Variants in ILDR2 observed in about 807,000 individuals in gnomAD.
The protein encoded by ILDR2 is immunoglobulin-like domain-containing receptor 2.
A neutral mutation model predicts 66.8 loss-of-function variants in ILDR2; 25 were observed. The observed-to-expected ratio is 0.37, with a 90% CI of 0.27 to 0.52. The LOEUF is 0.52. Ranked by LOEUF, ILDR2 falls within the 20% of genes least tolerant of loss-of-function variation. The probability of loss-of-function intolerance (pLI) is 0.88; values close to 1 mark genes in which losing one functional copy is unlikely to be tolerated. For synonymous variants in ILDR2, 367 were observed against 357.2 expected (o/e 1.03, Z -0.31); for missense variants, 827 against 876.8 (o/e 0.94, Z 0.72).
chr1:166,920,592 G>T (rs573713166), intron 9 of ILDR2, 115 bp downstream of exon 9: 4 of 1,214,228 alleles, frequency 3.3e-6, no homozygotes, highest in Non-Finnish European at 4.2e-6. Context: ...CGGCCTCTCC[G>T]GCAAGGACCC....
Position 166,912,626 on chromosome 1 carries a change from C to A in ILDR2, c.*6729G>T, listed in dbSNP as rs1230657387. On this transcript the variant is annotated 3_prime_UTR_variant, in exon 10 of 10. Transcript: ENST00000271417. Reference sequence around the variant, plus strand: ...TAAAAAAAATTGAGCCCAGATGCTTCAAGCAAAAACAGATTTTCTGCTTGA... The same window carrying A: ...TAAAAAAAATTGAGCCCAGATGCTTAAAGCAAAAACAGATTTTCTGCTTGA... 6.6e-6 allele frequency: 1 copy of A among 152,300 alleles called. No homozygotes were observed. The highest frequency in any genetic ancestry group is 1.9e-4 in the East Asian group (1 of 5,176). 9.4% of individuals were successfully genotyped at this position (152,300 alleles called of 1,614,324 possible). A position where few individuals can be genotyped will look rare whatever the true frequency, so the allele number is the denominator to read the frequency against.
chr1:166,966,278 C>A (rs1470926620), intron 1 of ILDR2, among the ~76,000 whole-genome samples: 1 of 152,158 alleles, frequency 6.6e-6, no homozygotes, highest in Non-Finnish European at 1.5e-5. Flanking sequence ...TCCTTTCCTG[C>A]TTAATTTGGC....
intron 2 of ILDR2, among the ~76,000 whole-genome samples, chr1:166,957,329 GC>G: frequency 6.6e-6 from 1 of 152,216 alleles, no homozygotes; most frequent in East Asian, 1.9e-4. Context: ...TGGGGCTTGG[GC>G]CAAGCATCTA....
intron 1 of ILDR2, among the ~76,000 whole-genome samples, chr1:166,970,778 C>G (rs1241459393): frequency 6.6e-6 from 1 of 152,216 alleles, no homozygotes; most frequent in South Asian, 2.1e-4. Flanking sequence ...TAACTTCCCT[C>G]TCCTAGTCCA....
In ILDR2 at chr1:166,927,170, A is replaced by C; in HGVS notation, c.891T>G (p.Gly297=). 6.2e-7 allele frequency: 1 copy of C among 1,611,704 alleles called. No individual in the cohort carries two copies. Among genetic ancestry groups the C allele is most frequent in the Non-Finnish European group, 8.5e-7 (1 of 1,178,638 alleles). ...STGGSHSVRK[G]YRIQADKERD... ...TCTCTTTGTCAGCCTGGATCCGGTAACCTTTGCGAACTGTTGAGAAAAGCA... is the reference window on the plus strand; with the variant it reads ...TCTCTTTGTCAGCCTGGATCCGGTACCCTTTGCGAACTGTTGAGAAAAGCA... Residue 297 remains glycine (G), a synonymous_variant, in exon 7 of 10, where the codon GGT becomes GGG. Coordinates refer to ENST00000271417, the MANE Select transcript of ILDR2 (RefSeq NM_199351.3).
chr1:166,921,491 G>T lies in ILDR2; in HGVS notation c.1212-112C>A. On this transcript the variant is annotated intron_variant, in intron 8 of 9. Coordinates refer to ENST00000271417, the MANE Select transcript of ILDR2 (RefSeq NM_199351.3). This position sits in a 1 kb window ranked among gnomAD's most constrained non-coding sequence, Gnocchi z 5.3. ...GGCCACGCTCAGGAGACCTCGGCCT[G>T]AGCCTCAGCTCCGCTCCAGGCTGGA... is the stretch of plus-strand genomic sequence containing the variant. 1 of 871,920 alleles carries T rather than the reference G, an allele frequency of 1.1e-6. No homozygotes were observed. The highest frequency in any genetic ancestry group is 1.7e-5 in the African/African-American group (1 of 59,196). 54.0% of individuals were successfully genotyped at this position (871,920 alleles called of 1,614,324 possible). A position where few individuals can be genotyped will look rare whatever the true frequency, so the allele number is the denominator to read the frequency against.
chr1:166,940,977 C>T (rs370268698), intron 3 of ILDR2, among the ~76,000 whole-genome samples: 4 of 152,176 alleles, frequency 2.6e-5, no homozygotes, highest in East Asian at 1.9e-4. Flanking sequence ...GGGGCTCCTC[C>T]AGGACACTAG....
At chr1:166,930,645 G>A (rs1660584837) in intron 6 of ILDR2, among the ~76,000 whole-genome samples, 2 of 152,078 alleles carry the variant, frequency 1.3e-5, no homozygotes, top group African/African-American at 4.8e-5. Context: ...ACCTTTCCTG[G>A]TCCCTCCTCT....
rs547180366 is a variant in ILDR2, at chr1:166,934,049, C to T, written c.880+1252G>A. On this transcript the variant is annotated intron_variant, in intron 6 of 9. Transcript: ENST00000271417. Reference sequence around the variant, plus strand: ...GAAATGTCTGTTTTACCAACTCCAGCGGCTCATCTACATCTAGGGATTTAA... The same window carrying T: ...GAAATGTCTGTTTTACCAACTCCAGTGGCTCATCTACATCTAGGGATTTAA... Among the ~76,000 whole-genome samples the T allele has an allele frequency of 4.6e-5, 7 of 152,288 alleles. No homozygotes were observed. The East Asian group carries it at 9.6e-4, about 21-fold the overall frequency.
chr1:166,963,715 C>A (rs1260054453), intron 1 of ILDR2, among the ~76,000 whole-genome samples: 1 of 152,206 alleles, frequency 6.6e-6, no homozygotes, highest in Non-Finnish European at 1.5e-5. Context: ...GACATGGCCC[C>A]CAGTATGCTC....
chr1:166,899,012 A>T (rs2101811400), intron 2 of ILDR2, among the ~76,000 whole-genome samples: 1 of 152,220 alleles, frequency 6.6e-6, no homozygotes, highest in East Asian at 1.9e-4. Flanking sequence ...GTGAGCCATG[A>T]TTGCCCCACT....
In ILDR2 at chr1:166,921,105, C is replaced by A. The variant is rs1453632066; in HGVS notation, c.1486G>T (p.Ala496Ser). The A allele has an allele frequency of 6.6e-7, 1 of 1,513,650 alleles. No homozygotes were observed. The allele number at this position is 1,513,650 out of a possible 1,614,324, so 93.8% of individuals were successfully genotyped here. ...EPLTDADRGW[A>S]FSPARRRPAE... Reference sequence around the variant, plus strand: ...GGTCTGCGGCGCGCGGGGCTGAAGGCCCAGCCGCGGTCAGCATCGGTCAGG... The same window carrying A: ...GGTCTGCGGCGCGCGGGGCTGAAGGACCAGCCGCGGTCAGCATCGGTCAGG... The change falls in exon 9 of 10, where the codon GCC becomes TCC. Residue 496 changes from alanine (A) to serine (S), a missense_variant. Ala to Ser is a moderately conservative substitution (Grantham distance 99). This residue lies in a region of ILDR2 where 390 missense variants were observed against 353.6 expected (regional missense o/e 1.10). Transcript: ENST00000271417. The surrounding 1 kb of genome is among the most constrained non-coding windows in gnomAD (Gnocchi z 5.3).
At position 166,941,397 on chromosome 1, in the gene ILDR2, G is replaced by C. The variant is rs187346575; in HGVS notation, c.500-1827C>G. 3.4e-4 allele frequency among the ~76,000 whole-genome samples: 52 copies of C among 152,304 alleles called. 1 individual carries two copies. The highest frequency in any genetic ancestry group is 2.6e-3 in the Admixed American group (40 of 15,306). On this transcript the variant is annotated intron_variant, in intron 3 of 9. Transcript: ENST00000271417. The stretch of plus-strand genomic sequence containing the variant: ...ACTAAGAGATGCCCCTAAGGCTTAC[G>C]CAGTTCCCTAGGGTAGGAAACTAGT...
chr1:166,913,746 A>G lies in ILDR2; in HGVS notation c.*5609T>C, dbSNP rs1659532204. ...TGAATCCAGATGAATCTGTCGTTTCATTCAGAAACTTCTCTGCAAGAAGGA... is the reference window on the plus strand; with the variant it reads ...TGAATCCAGATGAATCTGTCGTTTCGTTCAGAAACTTCTCTGCAAGAAGGA... On this transcript the variant is annotated 3_prime_UTR_variant, in exon 10 of 10. Transcript: ENST00000271417. 1.3e-5 allele frequency: 2 copies of G among 152,330 alleles called. No individual in the cohort carries two copies. The highest frequency in any genetic ancestry group is 4.1e-4 in the South Asian group (2 of 4,832). 9.4% of individuals were successfully genotyped at this position (152,330 alleles called of 1,614,324 possible). A position where few individuals can be genotyped will look rare whatever the true frequency, so the allele number is the denominator to read the frequency against.
rs961061155 is a variant in ILDR2, at chr1:166,936,129, T to C, written c.703+462A>G. Among the ~76,000 whole-genome samples, 5 of 152,176 alleles carry C rather than the reference T, an allele frequency of 3.3e-5. No homozygotes were observed. Among genetic ancestry groups the C allele is most frequent in the Non-Finnish European group, 7.3e-5 (5 of 68,032 alleles). ...GAACTAGGCCCTATTGTGGCCCATGTCATCATGGGAGTAAATAAAACAAAT... is the reference window on the plus strand; with the variant it reads ...GAACTAGGCCCTATTGTGGCCCATGCCATCATGGGAGTAAATAAAACAAAT... On this transcript the variant is annotated intron_variant, in intron 5 of 9. Transcript: ENST00000271417. The surrounding 1 kb of genome is among the most constrained non-coding windows in gnomAD (Gnocchi z 5.0).
intron 6 of ILDR2, among the ~76,000 whole-genome samples, chr1:166,927,487 C>G (rs1398742314): frequency 2.0e-5 from 3 of 152,212 alleles, no homozygotes; most frequent in Non-Finnish European, 4.4e-5. Flanking sequence ...TGCTCATCTT[C>G]TCAGCGCTTT....
Position 166,921,149 on chromosome 1 carries a change from C to T in ILDR2, c.1442G>A (p.Arg481His). 6.5e-7 allele frequency: 1 copy of T among 1,534,288 alleles called. No individual in the cohort carries two copies. Among genetic ancestry groups the T allele is most frequent in the Non-Finnish European group, 8.7e-7 (1 of 1,146,396 alleles). ...DDSLEEYYGQ[R>H]SRSREPLTDA... Reference sequence around the variant, plus strand: ...GGTCAGGGGCTCGCGGCTGCGGCTGCGCTGACCGTAGTACTCCTCCAAGGA... The same window carrying T: ...GGTCAGGGGCTCGCGGCTGCGGCTGTGCTGACCGTAGTACTCCTCCAAGGA... The change falls in exon 9 of 10, where the codon CGC becomes CAC. Residue 481 changes from arginine to histidine, a missense_variant. This residue lies in a region of ILDR2 where 390 missense variants were observed against 353.6 expected (regional missense o/e 1.10). Coordinates refer to ENST00000271417, the MANE Select transcript of ILDR2 (RefSeq NM_199351.3). This position sits in a 1 kb window ranked among gnomAD's most constrained non-coding sequence, Gnocchi z 5.3.
At chr1:166,929,523 TA>T (rs1224459401) in intron 6 of ILDR2, among the ~76,000 whole-genome samples, 1 of 152,172 alleles carries the variant, frequency 6.6e-6, no homozygotes, top group Non-Finnish European at 1.5e-5. Context: ...GTGGGGAACT[TA>T]AAAAATGTTC....
chr1:166,950,062 T>G (rs1314151265), intron 3 of ILDR2, among the ~76,000 whole-genome samples: 2 of 152,222 alleles, frequency 1.3e-5, no homozygotes, highest in Non-Finnish European at 2.9e-5. Context: ...GCATATCTGA[T>G]GCATAATTGA....
Sources: gnomAD v4.1 joint callset for allele counts (sites outside exome capture counted in the v4.1 genomes callset) on GRCh38, gnomAD v4.1.1 for gene constraint, gnomAD v4.1.1 regional missense constraint, Gnocchi (gnomAD v3.1) non-coding constraint, MANE v1.5 for transcripts, NCBI Gene and HGNC (gene_info 2026-07-23, HGNC 2026-07-21) for gene names.